The following ZFHX3 variants were observed in gnomAD, a reference collection of about 807,000 sequenced individuals.
The protein encoded by ZFHX3 is zinc finger homeobox 3.
Under a neutral mutation model 279.1 loss-of-function variants are expected in ZFHX3, and 42 were observed. The ratio of observed to expected loss-of-function variants is 0.15; its 90% CI spans 0.12 to 0.19. The LOEUF (loss-of-function observed/expected upper bound fraction) is 0.19, where lower values mean the gene tolerates loss of function less well. Ranked by LOEUF, ZFHX3 falls within the 10% of genes least tolerant of loss-of-function variation. The pLI is 1.00. For synonymous variants in ZFHX3, 2,293 were observed against 1,957.8 expected, an observed-to-expected ratio of 1.17 and a Z score of -4.52; for missense variants, 4,981 against 4,754.0, an observed-to-expected ratio of 1.05 and a Z score of -1.40.
intron 1 of ZFHX3, chr16:73,812,568 T>C (rs1190570105): frequency 6.6e-6 from 1 of 152,222 alleles, no homozygotes; most frequent in African/African-American, 2.4e-5. Flanking sequence ...CCACTCCCTA[T>C]TGCCTCATCC....
At chr16:72,904,775 T>TG (rs35117190) in intron 3 of ZFHX3, among the ~76,000 whole-genome samples, 26,939 of 151,646 alleles carry the variant, frequency 0.18, 2,570 homozygotes, top group Non-Finnish European at 0.21. Context: ...TCCTTGCCTG[T>TG]GGGGGGGGTC....
chr16:72,985,943 T>G (rs903679116), intron 1 of ZFHX3, among the ~76,000 whole-genome samples: 3 of 152,198 alleles, frequency 2.0e-5, no homozygotes, highest in Non-Finnish European at 4.4e-5. Flanking sequence ...CTGTTTATTA[T>G]GATAATTGCA....
At chr16:73,201,716 AATGAAG>A (rs1968271830) in intron 5 of ZFHX3, among the ~76,000 whole-genome samples, 1 of 152,222 alleles carries the variant, frequency 6.6e-6, no homozygotes, top group Non-Finnish European at 1.5e-5. Context: ...TAAAAATAAT[AATGAAG>A]ATGAAGATTC....
At chr16:73,277,559 C>T (rs1045276890) in intron 4 of ZFHX3, among the ~76,000 whole-genome samples, 16 of 152,144 alleles carry the variant, frequency 1.1e-4, no homozygotes, top group African/African-American at 3.6e-4. Context: ...TGACTTTGTC[C>T]GCTTTGTAGA....
chr16:73,410,471 T>C (rs184048717), intron 3 of ZFHX3, among the ~76,000 whole-genome samples: 192 of 152,322 alleles, frequency 1.3e-3, no homozygotes, highest in African/African-American at 4.4e-3. Flanking sequence ...GAATTGTTTG[T>C]AATACAAAGA....
Position 72,958,206 on chromosome 16 carries a change from G to T in ZFHX3, c.1940C>A (p.Thr647Lys). 1 of 1,611,900 alleles carries T rather than the reference G, an allele frequency of 6.2e-7. No individual in the cohort carries two copies. Among genetic ancestry groups the T allele is most frequent in the Non-Finnish European group, 8.5e-7 (1 of 1,178,154 alleles). Reference sequence around the variant, plus strand: ...CAGCGAGCGGGAGGAGCCCAGGACCGTGTCGCATTTGGGGCACTCCACGCC... The same window carrying T: ...CAGCGAGCGGGAGGAGCCCAGGACCTTGTCGCATTTGGGGCACTCCACGCC... Reference protein sequence around the residue: ...GSGVECPKCDTVLGSSRSLGG... With the variant: ...GSGVECPKCDKVLGSSRSLGG... The change falls in exon 2 of 10, where the codon ACG (threonine) becomes AAG (lysine). Residue 647 changes from threonine to lysine, a missense_variant. By Grantham distance (78) the Thr-to-Lys change is moderately conservative. This residue lies in a region of ZFHX3 where 1,068 missense variants were observed against 935.2 expected (regional missense o/e 1.14). Transcript: ENST00000268489.
chr16:72,905,393 C>T (rs1171001389), intron 3 of ZFHX3, among the ~76,000 whole-genome samples: 1 of 152,204 alleles, frequency 6.6e-6, no homozygotes, highest in Non-Finnish European at 1.5e-5. Context: ...AGCCAGAGGA[C>T]AACTGAGTTG....
intron 3 of ZFHX3, among the ~76,000 whole-genome samples, chr16:72,899,225 C>T (rs1360394081): frequency 6.6e-6 from 1 of 152,072 alleles, no homozygotes; most frequent in African/African-American, 2.4e-5. Flanking sequence ...AAGTGTAGTC[C>T]CCATAATCCC....
At chr16:73,248,601 T>C (rs1428506621) in intron 5 of ZFHX3, among the ~76,000 whole-genome samples, 3 of 151,390 alleles carry the variant, frequency 2.0e-5, no homozygotes, top group Admixed American at 2.0e-4. Context: ...GTGTATGTCC[T>C]GTGTATGTGT....
At chr16:73,301,652 C>T (rs907136378) in intron 4 of ZFHX3, among the ~76,000 whole-genome samples, 8 of 152,014 alleles carry the variant, frequency 5.3e-5, no homozygotes, top group Admixed American at 2.6e-4. Context: ...AACAAGGTCC[C>T]GATACCAAGA....
chr16:73,182,732 G>GCATT (rs1967824697), intron 5 of ZFHX3, among the ~76,000 whole-genome samples: 1 of 152,172 alleles, frequency 6.6e-6, no homozygotes, highest in Non-Finnish European at 1.5e-5. Context: ...CATGTCTTTT[G>GCATT]CAGCAACATG....
chr16:73,724,180 T>C (rs2053499057), intron 1 of ZFHX3, among the ~76,000 whole-genome samples: 1 of 152,196 alleles, frequency 6.6e-6, no homozygotes. Context: ...TAATAAATAG[T>C]AATTCTGTCT....
At chr16:73,048,540 A>AC (rs1161915479), upstream of ZFHX3, among the ~76,000 whole-genome samples, 1 of 152,128 alleles carries the variant, frequency 6.6e-6, no homozygotes, top group Non-Finnish European at 1.5e-5. Flanking sequence ...GGAGGCGCTG[A>AC]CCCCTCGCTC....
At chr16:73,873,452 T>G (rs1000877099) in intron 1 of ZFHX3, among the ~76,000 whole-genome samples, 1 of 152,192 alleles carries the variant, frequency 6.6e-6, no homozygotes, top group Non-Finnish European at 1.5e-5. Flanking sequence ...ACTCATTTTA[T>G]GTGTTTCTTT....
intron 3 of ZFHX3, among the ~76,000 whole-genome samples, chr16:73,446,688 A>G (rs1354503206): frequency 1.3e-5 from 2 of 152,158 alleles, no homozygotes; most frequent in African/African-American, 2.4e-5. Flanking sequence ...AATGATGAGA[A>G]CTCATAAACA....
chr16:73,181,974 G>C (rs981528880), intron 5 of ZFHX3, among the ~76,000 whole-genome samples: 1 of 152,190 alleles, frequency 6.6e-6, no homozygotes, highest in Non-Finnish European at 1.5e-5. Context: ...CAGTCCTTCG[G>C]GTTTTGTTTA....
chr16:73,832,543 T>C (rs1567424453), intron 1 of ZFHX3, among the ~76,000 whole-genome samples: 1 of 152,186 alleles, frequency 6.6e-6, no homozygotes, highest in Non-Finnish European at 1.5e-5. Context: ...TTTTAAGTTT[T>C]TTTATTTTTG....
At chr16:73,136,582 A>G (rs34513213) in intron 6 of ZFHX3, among the ~76,000 whole-genome samples, 26,312 of 151,618 alleles carry the variant, frequency 0.17, 2,767 homozygotes, top group South Asian at 0.3. Flanking sequence ...AAAATTAGTC[A>G]GGCATGGTGG....
In ZFHX3 at chr16:72,798,479, G is replaced by A. The variant is rs1056441781; in HGVS notation, c.4203C>T (p.Tyr1401=). 2.5e-6 allele frequency: 4 copies of A among 1,614,070 alleles called. No individual in the cohort carries two copies. In the African/African-American group the frequency reaches 5.3e-5, roughly 22 times the overall value. The stretch of plus-strand genomic sequence containing the variant: ...AGGCCAGGCTACACTGATTACAGCG[G>A]TACTTGTACACATGGCGATCTGACA... The part of the protein sequence containing the change: ...LPVSDRHVYK[Y]RCNQCSLAFK... The change falls in exon 9 of 10, where the codon TAC becomes TAT. Residue 1401 remains tyrosine, a synonymous_variant. Coordinates refer to ENST00000268489, the MANE Select transcript of ZFHX3 (RefSeq NM_006885.4).
Sources: allele counts gnomAD v4.1 joint callset (sites outside exome capture counted in the v4.1 genomes callset), GRCh38; gene constraint gnomAD v4.1.1; regional missense constraint gnomAD v4.1.1; transcripts MANE v1.5; gene names NCBI Gene and HGNC (gene_info 2026-07-23, HGNC 2026-07-21).